The following DENND3 variants were observed in gnomAD, a reference collection of about 807,000 sequenced individuals.
DENND3 encodes the protein DENN domain containing 3.
Under a neutral mutation model 135.1 loss-of-function variants are expected in DENND3, and 88 were observed. The ratio of observed to expected loss-of-function variants is 0.65; its 90% confidence interval spans 0.55 to 0.78. DENND3 has a LOEUF of 0.78. Ranked by LOEUF, DENND3 falls within the 30% of genes least tolerant of loss-of-function variation. DENND3 has a pLI of 0.00. For missense variants in DENND3, 1,392 were observed against 1,688.4 expected, an observed-to-expected ratio of 0.82 and a Z score of 3.08; for synonymous variants, 693 against 712.3, an observed-to-expected ratio of 0.97 and a Z score of 0.43.
At position 141,194,475 on chromosome 8, in the gene DENND3, A is replaced by G; in HGVS notation, c.*242A>G. On this transcript the variant is annotated 3_prime_UTR_variant, in exon 23 of 23. Transcript: ENST00000519811. ...CTGTTGGGGTGTGTCTCAGGCAGGC[A>G]GCTGCGTCTTGTTGGTGATAACCTC... The G allele has an allele frequency of 3.7e-6, 2 of 543,022 alleles. No homozygotes were observed. The highest frequency in any genetic ancestry group is 3.3e-6 in the Non-Finnish European group (1 of 302,428). 33.6% of individuals were successfully genotyped at this position (543,022 alleles called of 1,614,324 possible).
chr8:141,144,169 C>T lies in DENND3; in HGVS notation c.645C>T (p.Pro215=), dbSNP rs1207584817. The change falls in exon 5 of 23, where the codon CCC becomes CCT. Residue 215 remains proline, a synonymous_variant. Transcript: ENST00000519811. This position sits in a 1 kb window ranked among gnomAD's most constrained non-coding sequence, Gnocchi z 4.4. ...TCAGTTTATTGGCTCTTCTGAAGCC[C>T]TGTAAAGATTTTGAAGTGGACAGTC... ...CLSCLLALLK[P]CKDFEVDSHI... The T allele has an allele frequency of 6.2e-7, 1 of 1,612,696 alleles. No individual in the cohort carries two copies. The highest frequency in any genetic ancestry group is 8.5e-7 in the Non-Finnish European group (1 of 1,179,706).
rs1819373320 is a variant in DENND3, at chr8:141,155,900, T to A, written c.1126T>A (p.Ser376Thr). 6.2e-7 allele frequency: 1 copy of A among 1,612,898 alleles called. No individual in the cohort carries two copies. The change falls in exon 8 of 23, where the codon TCC becomes ACC. Residue 376 changes from serine (S) to threonine (T), a missense_variant. Transcript: ENST00000519811. ...INIDHGSITY[S>T]KSTDDNVDIP... ...TATTGATCATGGGAGCATCACCTAC[T>A]CCAAGTCCACGGACGATAACGTGGA...
intron 5 of DENND3, among the ~76,000 whole-genome samples, chr8:141,147,974 T>C (rs952116891): frequency 2.0e-4 from 30 of 152,336 alleles, no homozygotes; most frequent in African/African-American, 7.2e-4. Flanking sequence ...TCTAATTAGC[T>C]ACTGGCTCTA....
At chr8:141,186,244 T>TG (rs1474407299) in intron 18 of DENND3, among the ~76,000 whole-genome samples, 6 of 152,144 alleles carry the variant, frequency 3.9e-5, no homozygotes, top group Non-Finnish European at 7.4e-5. Context: ...GGAACCCTGG[T>TG]GTTTCCTGGT....
Position 141,144,135 on chromosome 8 carries a change from T to C in DENND3, c.624-13T>C. On this transcript the variant is annotated splice_polypyrimidine_tract_variant and intron_variant, in intron 4 of 22. Transcript: ENST00000519811. The surrounding 1 kb of genome is among the most constrained non-coding windows in gnomAD (Gnocchi z 4.4). The stretch of plus-strand genomic sequence containing the variant: ...TTTATTTTGCGGTTTGAGTTTTGTG[T>C]TTCGAATTTCAGTTTATTGGCTCTT... 2 of 1,601,466 alleles carry C rather than the reference T, an allele frequency of 1.2e-6. No individual in the cohort carries two copies. The highest frequency in any genetic ancestry group is 1.4e-5 in the African/African-American group (1 of 73,736).
intron 8 of DENND3, among the ~76,000 whole-genome samples, chr8:141,157,071 T>C (rs901807479): frequency 6.6e-6 from 1 of 152,172 alleles, no homozygotes; most frequent in Non-Finnish European, 1.5e-5. Context: ...CATGAACCAC[T>C]GTGCCCGGCC....
rs1311810437 is a variant in DENND3 at position 141,175,700 on chromosome 8, T to C, written c.2535+241T>C. ...GGAGCATGCTTAGAATGGTAACTGA[T>C]TCTCTGTCACAGCTGACTTGCATCT... On this transcript the variant is annotated intron_variant, in intron 14 of 22. Coordinates refer to ENST00000519811, the MANE Select transcript of DENND3 (RefSeq NM_001352890.3). This position sits in a 1 kb window ranked among gnomAD's most constrained non-coding sequence, Gnocchi z 5.4. The C allele has an allele frequency of 1.8e-6, 1 of 563,384 alleles. No homozygotes were observed. The highest frequency in any genetic ancestry group is 3.4e-5 in the East Asian group (1 of 29,604). The allele number at this position is 563,384 out of a possible 1,614,324, so 34.9% of individuals were successfully genotyped here. A position where few individuals can be genotyped will look rare whatever the true frequency, so the allele number is the denominator to read the frequency against.
chr8:141,193,783 A>T (rs2154613618), intron 22 of DENND3: 2 of 570,386 alleles, frequency 3.5e-6, no homozygotes. Context: ...AACACTTAAG[A>T]TGCACCCCAG....
intron 10 of DENND3, among the ~76,000 whole-genome samples, chr8:141,164,608 C>T (rs1820536539): frequency 6.6e-6 from 1 of 152,332 alleles, no homozygotes. Context: ...GCTTCCCAGT[C>T]GTTCTTTGGT....
chr8:141,129,088 C>T (rs3739231), intron 1 of DENND3, among the ~76,000 whole-genome samples: 74,347 of 152,110 alleles, frequency 0.49, 18,854 homozygotes, highest in African/African-American at 0.62. Context: ...GAACTTGGTC[C>T]GCCGGCCGGG....
rs1184260199 is a variant in DENND3, at chr8:141,139,580, A to G, written c.501+1443A>G. Among the ~76,000 whole-genome samples the G allele has an allele frequency of 6.6e-6, 1 of 152,252 alleles. No individual in the cohort carries two copies. The highest frequency in any genetic ancestry group is 1.5e-5 in the Non-Finnish European group (1 of 68,044). ...GAGGAAGGTGCCCCTCCACGTAGCC[A>G]GTGTTCCAGATGAGAAAGGATCCAC... On this transcript the variant is annotated intron_variant, in intron 3 of 22. Transcript: ENST00000519811. The surrounding 1 kb of genome is among the most constrained non-coding windows in gnomAD (Gnocchi z 4.2).
rs183121435 is a variant in DENND3, at chr8:141,179,996, C to T, written c.2837-751C>T. 2.1e-3 allele frequency among the ~76,000 whole-genome samples: 315 copies of T among 152,102 alleles called. 3 individuals carry two copies. Among genetic ancestry groups the T allele is most frequent in the African/African-American group, 7.1e-3 (294 of 41,486 alleles). On this transcript the variant is annotated intron_variant, in intron 16 of 22. Coordinates refer to ENST00000519811, the MANE Select transcript of DENND3 (RefSeq NM_001352890.3). ...GGGCCTCCGGGCAGCAATGAGGAGC[C>T]GTGTCAGAGCAGGCTGTGCCCGGGG... is the stretch of plus-strand genomic sequence containing the variant.
At position 141,178,099 on chromosome 8, in the gene DENND3, C is replaced by A; in HGVS notation, c.2739C>A (p.Asn913Lys). The A allele has an allele frequency of 6.2e-7, 1 of 1,611,924 alleles. No individual in the cohort carries two copies. Among genetic ancestry groups the A allele is most frequent in the Non-Finnish European group, 8.5e-7 (1 of 1,178,122 alleles). Reference sequence around the variant, plus strand: ...ACTACGTCCAGCAGGCGCTGACCAACGTCTTGCTGATGGACGCCGTCGTGG... The same window carrying A: ...ACTACGTCCAGCAGGCGCTGACCAAAGTCTTGCTGATGGACGCCGTCGTGG... ...DPHYVQQALT[N>K]VLLMDAVVGT... Residue 913 changes from asparagine to lysine, a missense_variant, in exon 16 of 23, where the codon AAC (asparagine) becomes AAA (lysine). Physicochemically the swap from Asn to Lys is moderately conservative, Grantham distance 94. Coordinates refer to ENST00000519811, the MANE Select transcript of DENND3 (RefSeq NM_001352890.3).
Position 141,163,438 on chromosome 8 carries a change from T to C in DENND3, c.1449+9T>C. 6.3e-7 allele frequency: 1 copy of C among 1,589,368 alleles called. No individual in the cohort carries two copies. On this transcript the variant is annotated intron_variant, in intron 10 of 22. Transcript: ENST00000519811. ...ATCAGTTTTATAAGCAGGTGAGAGC[T>C]GTGGGATTTGGGTGTGCCTGTGTGT...
Position 141,151,807 on chromosome 8 carries a change from C to G in DENND3, c.1044C>G (p.Cys348Trp). The G allele has an allele frequency of 2.0e-5, 32 of 1,614,216 alleles. No individual in the cohort carries two copies. The highest frequency in any genetic ancestry group is 2.7e-5 in the Non-Finnish European group (32 of 1,180,040). The change falls in exon 7 of 23, where the codon TGC becomes TGG. Residue 348 changes from cysteine (C) to tryptophan (W), a missense_variant. Cys to Trp is a radical substitution (Grantham distance 215). Coordinates refer to ENST00000519811, the MANE Select transcript of DENND3 (RefSeq NM_001352890.3). ...VMAPTSFLMG[C>W]HLDHFEEVSK... ...CCCCCACGTCCTTCCTGATGGGCTG[C>G]CATCTCGACCACTTCGAAGAAGTCA...
At chr8:141,155,011 A>G (rs1819273313) in intron 7 of DENND3, among the ~76,000 whole-genome samples, 1 of 152,216 alleles carries the variant, frequency 6.6e-6, no homozygotes, top group Non-Finnish European at 1.5e-5. Context: ...GTGGAGTGAA[A>G]TAGGCCAGTC....
In DENND3 at chr8:141,141,505, G is replaced by A. The variant is rs765210255; in HGVS notation, c.623+181G>A. 1 of 687,318 alleles carries A rather than the reference G, an allele frequency of 1.5e-6. No homozygotes were observed. The highest frequency in any genetic ancestry group is 2.4e-6 in the Non-Finnish European group (1 of 421,560). 42.6% of individuals were successfully genotyped at this position (687,318 alleles called of 1,614,324 possible). A position where few individuals can be genotyped will look rare whatever the true frequency, so the allele number is the denominator to read the frequency against. ...GGCAGTTCTCTGTGCCTCTTAGGCT[G>A]TTGCTTAAGGCTGGGGGCAGTGGGC... On this transcript the variant is annotated intron_variant, in intron 4 of 22. Transcript: ENST00000519811. The surrounding 1 kb of genome is among the most constrained non-coding windows in gnomAD (Gnocchi z 5.3).
intron 8 of DENND3, among the ~76,000 whole-genome samples, chr8:141,158,655 C>T (rs895960398): frequency 1.3e-5 from 2 of 152,216 alleles, no homozygotes; most frequent in African/African-American, 4.8e-5. Context: ...CTCTGGAGTA[C>T]AATATGCATC....
rs1167444018 is a variant in DENND3, at chr8:141,130,644, A to AT, written c.102+1836dup. Among the ~76,000 whole-genome samples the AT allele has an allele frequency of 7.0e-6, 1 of 143,472 alleles. No individual in the cohort carries two copies. The highest frequency in any genetic ancestry group is 2.7e-5 in the African/African-American group (1 of 37,102). The allele number at this position is 143,472 out of a possible 152,430, so 94.1% of individuals were successfully genotyped here. On this transcript the variant is annotated intron_variant, in intron 1 of 22. Transcript: ENST00000519811. This position sits in a 1 kb window ranked among gnomAD's most constrained non-coding sequence, Gnocchi z 4.2. ...CAAACATATGATTTTATTTATTTAG[A>AT]TGTTTTTTCGGCGGTTCTATTTTGA...
Sources: allele counts gnomAD v4.1 joint callset (sites outside exome capture counted in the v4.1 genomes callset), GRCh38; gene constraint gnomAD v4.1.1; non-coding constraint Gnocchi (gnomAD v3.1); transcripts MANE v1.5; gene names NCBI Gene and HGNC (gene_info 2026-07-23, HGNC 2026-07-21).